GRIK2: variants seen among roughly 807,000 people sequenced by gnomAD.
GRIK2 encodes glutamate receptor ionotropic, kainate 2.
Under a neutral mutation model 100.3 loss-of-function variants are expected in GRIK2, and 32 were observed. The ratio of observed to expected loss-of-function variants is 0.32; its 90% CI spans 0.24 to 0.43. The LOEUF (loss-of-function observed/expected upper bound fraction) is 0.43. Among genes scored for constraint, GRIK2 ranks in the 20% least tolerant of loss-of-function variants. GRIK2 has a pLI of 1.00. For missense variants in GRIK2, 843 were observed against 1,114.9 expected, an observed-to-expected ratio of 0.76 and a Z score of 3.47; for synonymous variants, 417 against 389.4, an observed-to-expected ratio of 1.07 and a Z score of -0.83.
intron 7 of GRIK2, among the ~76,000 whole-genome samples, chr6:101,780,709 G>A (rs2128401674): frequency 6.6e-6 from 1 of 152,150 alleles, no homozygotes; most frequent in East Asian, 1.9e-4. Flanking sequence ...TAAGAAAAGA[G>A]TCAAGGCAAG....
At chr6:101,442,003 A>G (rs1019748656) in intron 2 of GRIK2, among the ~76,000 whole-genome samples, 9 of 151,674 alleles carry the variant, frequency 5.9e-5, no homozygotes, top group South Asian at 2.1e-4. Context: ...AATTTTTCCA[A>G]TTCTTGGGAG....
intron 7 of GRIK2, among the ~76,000 whole-genome samples, chr6:101,756,966 T>C (rs571371715): frequency 1.3e-5 from 2 of 152,306 alleles, no homozygotes; most frequent in East Asian, 1.9e-4. Flanking sequence ...TTATTAGATA[T>C]GCATTTAATT....
intron 2 of GRIK2, among the ~76,000 whole-genome samples, chr6:101,491,409 T>C (rs1031164361): frequency 1.3e-5 from 2 of 152,004 alleles, no homozygotes; most frequent in African/African-American, 4.8e-5. Context: ...GATTGAGCCC[T>C]AGAAATTTGG....
At chr6:101,791,098 T>C (rs1239891713) in intron 7 of GRIK2, among the ~76,000 whole-genome samples, 1 of 152,178 alleles carries the variant, frequency 6.6e-6, no homozygotes, top group African/African-American at 2.4e-5. Flanking sequence ...TCTTCTCTCT[T>C]TTTTTCTTTA....
At chr6:101,569,039 A>G (rs1777415616) in intron 2 of GRIK2, among the ~76,000 whole-genome samples, 1 of 152,034 alleles carries the variant, frequency 6.6e-6, no homozygotes, top group African/African-American at 2.4e-5. Flanking sequence ...TTTGAGAGCC[A>G]TAATATTCAC....
intron 6 of GRIK2, among the ~76,000 whole-genome samples, chr6:101,685,598 T>C (rs1444521291): frequency 2.0e-5 from 3 of 152,178 alleles, no homozygotes; most frequent in African/African-American, 7.2e-5. Flanking sequence ...AAGTGTTTAT[T>C]GGAAACTTAT....
intron 7 of GRIK2, among the ~76,000 whole-genome samples, chr6:101,738,996 T>G (rs1775856575): frequency 6.6e-6 from 1 of 152,212 alleles, no homozygotes; most frequent in African/African-American, 2.4e-5. Flanking sequence ...CGCACAGATG[T>G]AGAAGCCTTG....
rs1299042639 is a variant in GRIK2, at chr6:101,874,218, T to G, written c.1524+14725T>G. ...TTGCCTAGGTTTTCTTCTAGAGTTT[T>G]TATGGTTTTAGGTCTAACATTTAAG... On this transcript the variant is annotated intron_variant, in intron 11 of 16. Transcript: ENST00000369134. Among the ~76,000 whole-genome samples, 14 of 152,284 alleles carry G rather than the reference T, an allele frequency of 9.2e-5. No individual in the cohort carries two copies. In the South Asian group the frequency reaches 2.5e-3, roughly 27 times the overall value.
At chr6:101,997,414 T>C (rs1274446128) in intron 14 of GRIK2, among the ~76,000 whole-genome samples, 1 of 152,088 alleles carries the variant, frequency 6.6e-6, no homozygotes, top group Non-Finnish European at 1.5e-5. Context: ...TTAATATGCA[T>C]CTTTGGTATT....
chr6:101,929,145 C>T (rs1790101809), intron 14 of GRIK2, among the ~76,000 whole-genome samples: 1 of 151,904 alleles, frequency 6.6e-6, no homozygotes, highest in Non-Finnish European at 1.5e-5. Flanking sequence ...TTGAAAGGGG[C>T]TGTCCCATTG....
chr6:101,955,096 T>C (rs1000553301), intron 14 of GRIK2, among the ~76,000 whole-genome samples: 5 of 152,146 alleles, frequency 3.3e-5, no homozygotes, highest in Admixed American at 2.6e-4. Context: ...CTGGAGTCAG[T>C]GTGCTGGTAT....
intron 4 of GRIK2, among the ~76,000 whole-genome samples, chr6:101,638,747 T>G (rs1258482081): frequency 2.0e-5 from 3 of 152,094 alleles, no homozygotes; most frequent in Admixed American, 6.6e-5. Flanking sequence ...ATTACTGTTT[T>G]AGTAACAATA....
chr6:101,944,832 T>G (rs891072874), intron 14 of GRIK2, among the ~76,000 whole-genome samples: 3 of 152,200 alleles, frequency 2.0e-5, no homozygotes, highest in Admixed American at 2.0e-4. Context: ...TATAGCAAAC[T>G]TGTAGTCTCA....
At chr6:101,660,810 A>G (rs1368621975) in intron 4 of GRIK2, among the ~76,000 whole-genome samples, 1 of 152,122 alleles carries the variant, frequency 6.6e-6, no homozygotes. Flanking sequence ...TGGAGGCTGC[A>G]GAACAGTAAA....
At chr6:101,458,629 G>T (rs1771132974) in intron 2 of GRIK2, among the ~76,000 whole-genome samples, 1 of 152,124 alleles carries the variant, frequency 6.6e-6, no homozygotes, top group South Asian at 2.1e-4. Flanking sequence ...CATATTATCT[G>T]CCTGGCACAA....
intron 7 of GRIK2, among the ~76,000 whole-genome samples, chr6:101,764,956 A>T (rs1164623096): frequency 6.6e-6 from 1 of 151,992 alleles, no homozygotes; most frequent in Non-Finnish European, 1.5e-5. Flanking sequence ...TACCTTCTCC[A>T]GCCTCATCCA....
chr6:101,875,043 C>G (rs1322171752), intron 11 of GRIK2, among the ~76,000 whole-genome samples: 3 of 152,244 alleles, frequency 2.0e-5, no homozygotes, highest in South Asian at 2.1e-4. Flanking sequence ...TCACTGCAAA[C>G]AGGGACAATT....
At chr6:101,977,735 A>G (rs984192745) in intron 14 of GRIK2, among the ~76,000 whole-genome samples, 2 of 151,932 alleles carry the variant, frequency 1.3e-5, no homozygotes, top group Non-Finnish European at 2.9e-5. Context: ...GAAGACTTCT[A>G]AAACCTGCGT....
intron 14 of GRIK2, among the ~76,000 whole-genome samples, chr6:101,975,841 A>G (rs1250759335): frequency 6.6e-6 from 1 of 151,546 alleles, no homozygotes; most frequent in Non-Finnish European, 1.5e-5. Context: ...CTATCTATCT[A>G]TCTATCCCTC....
Sources: allele counts gnomAD v4.1 joint callset (sites outside exome capture counted in the v4.1 genomes callset), GRCh38; gene constraint gnomAD v4.1.1; transcripts MANE v1.5; gene names NCBI Gene and HGNC (gene_info 2026-07-23, HGNC 2026-07-21).